The following KCNK1 variants were observed in gnomAD, a reference collection of about 807,000 sequenced individuals.
KCNK1 encodes the protein potassium channel subfamily K member 1.
In KCNK1, 10 loss-of-function variants were observed where a neutral mutation model predicts 22.2. That is an observed-to-expected ratio of 0.45 (90% CI 0.28 to 0.76). KCNK1 has a LOEUF of 0.76. Ranked by LOEUF, KCNK1 falls within the 30% of genes least tolerant of loss-of-function variation. The pLI is 0.14. For missense variants in KCNK1, 378 were observed against 421.0 expected (o/e 0.90, Z 0.89); for synonymous variants, 200 against 186.4 (o/e 1.07, Z -0.60).
intron 1 of KCNK1, among the ~76,000 whole-genome samples, chr1:233,629,286 G>GA (rs1657747968): frequency 6.6e-6 from 1 of 152,180 alleles, no homozygotes; most frequent in South Asian, 2.1e-4. Flanking sequence ...CTTTGATAGG[G>GA]AGATGGCTGA....
rs369808986 is a variant in KCNK1 at position 233,617,931 on chromosome 1, G to C, written c.355+3405G>C. Among the ~76,000 whole-genome samples the C allele has an allele frequency of 3.3e-5, 5 of 152,094 alleles. No homozygotes were observed. In the East Asian group the frequency reaches 7.7e-4, roughly 23 times the overall value. On this transcript the variant is annotated intron_variant, in intron 1 of 2. Coordinates refer to ENST00000366621, the MANE Select transcript of KCNK1 (RefSeq NM_002245.4). ...GACAACAGAGCAAGACTCTGTCTTGGAGGGGGAAAAAAAAAGAACAAAGAG... is the reference window on the plus strand; with the variant it reads ...GACAACAGAGCAAGACTCTGTCTTGCAGGGGGAAAAAAAAAGAACAAAGAG...
At chr1:233,666,445 T>C (rs1371281790) in intron 1 of KCNK1, 150 bp from the exon 2 acceptor site, 3 of 646,588 alleles carry the variant, frequency 4.6e-6, no homozygotes, top group Non-Finnish European at 5.1e-6. Flanking sequence ...ATGACAATTA[T>C]ACTAGAGCCC....
intron 1 of KCNK1, among the ~76,000 whole-genome samples, chr1:233,625,270 C>G (rs1657668658): frequency 2.0e-5 from 3 of 152,320 alleles, no homozygotes; most frequent in Admixed American, 2.0e-4. Flanking sequence ...AGCATGTATT[C>G]CTTCCTTCTG....
intron 2 of KCNK1, among the ~76,000 whole-genome samples, chr1:233,667,747 A>T (rs1352224026): frequency 1.3e-5 from 2 of 151,712 alleles, no homozygotes; most frequent in East Asian, 3.9e-4. Flanking sequence ...AAAAAAAAAA[A>T]AAAAATACAT....
At chr1:233,662,602 T>C (rs1461149156) in intron 1 of KCNK1, among the ~76,000 whole-genome samples, 1 of 152,196 alleles carries the variant, frequency 6.6e-6, no homozygotes, top group Non-Finnish European at 1.5e-5. Flanking sequence ...CAGCATAGTG[T>C]CAGGGCTGTT....
chr1:233,657,132 G>A (rs1344219627), intron 1 of KCNK1, among the ~76,000 whole-genome samples: 2 of 152,202 alleles, frequency 1.3e-5, no homozygotes, highest in East Asian at 3.9e-4. Flanking sequence ...GTGTCTGGGA[G>A]GATGGGCAGT....
At chr1:233,617,078 C>T (rs1456932188) in intron 1 of KCNK1, among the ~76,000 whole-genome samples, 1 of 151,218 alleles carries the variant, frequency 6.6e-6, no homozygotes. Context: ...CACTTCTAGT[C>T]CTTTTGAAGG....
chr1:233,666,185 G>T (rs745616340), intron 1 of KCNK1, among the ~76,000 whole-genome samples: 2 of 152,122 alleles, frequency 1.3e-5, no homozygotes, highest in Non-Finnish European at 2.9e-5. Flanking sequence ...TAATGAGGAT[G>T]CTTGGGGAAA....
At chr1:233,627,954 C>A (rs1287009159) in intron 1 of KCNK1, among the ~76,000 whole-genome samples, 11 of 152,210 alleles carry the variant, frequency 7.2e-5, no homozygotes, top group African/African-American at 2.7e-4. Context: ...GGCACCTGAA[C>A]TTGCCTGTCT....
intron 1 of KCNK1, among the ~76,000 whole-genome samples, chr1:233,656,098 A>G (rs2102904551): frequency 6.6e-6 from 1 of 152,336 alleles, no homozygotes; most frequent in African/African-American, 2.4e-5. Context: ...ACACCTCTGC[A>G]TTCAAATGGG....
intron 1 of KCNK1, 64 bp downstream of exon 1, chr1:233,614,590 C>T: frequency 7.6e-7 from 1 of 1,310,572 alleles, no homozygotes; most frequent in Admixed American, 2.4e-5. Context: ...CACACCCCGG[C>T]CCCGGCGCCC....
intron 1 of KCNK1, among the ~76,000 whole-genome samples, chr1:233,639,285 T>A (rs1220102069): frequency 6.6e-6 from 1 of 152,244 alleles, no homozygotes; most frequent in African/African-American, 2.4e-5. Context: ...GCTTTTTGAC[T>A]CTACAAGTAT....
At chr1:233,625,718 T>C (rs577778343) in intron 1 of KCNK1, among the ~76,000 whole-genome samples, 1 of 152,154 alleles carries the variant, frequency 6.6e-6, no homozygotes, top group Non-Finnish European at 1.5e-5. Context: ...TCCAGGATCG[T>C]AGTCTTCCAT....
In KCNK1 at chr1:233,650,396, C is replaced by T. The variant is rs187543006; in HGVS notation, c.356-16199C>T. Among the ~76,000 whole-genome samples the T allele has an allele frequency of 1.7e-3, 263 of 152,230 alleles. 1 individual carries two copies. The highest frequency in any genetic ancestry group is 2.9e-3 in the Non-Finnish European group (200 of 68,022). ...AACATCTGTTAGTGTGGGAGAAGGTCTCTTAAAGGACTTGGGGAATATTAA... is the reference window on the plus strand; with the variant it reads ...AACATCTGTTAGTGTGGGAGAAGGTTTCTTAAAGGACTTGGGGAATATTAA... On this transcript the variant is annotated intron_variant, in intron 1 of 2. Coordinates refer to ENST00000366621, the MANE Select transcript of KCNK1 (RefSeq NM_002245.4).
chr1:233,645,213 T>A (rs1327835014), intron 1 of KCNK1, among the ~76,000 whole-genome samples: 1 of 151,040 alleles, frequency 6.6e-6, no homozygotes, highest in African/African-American at 2.4e-5. Context: ...AAAAAAGAGA[T>A]ATGACATCAT....
At chr1:233,620,097 A>G (rs1657556526) in intron 1 of KCNK1, among the ~76,000 whole-genome samples, 1 of 152,226 alleles carries the variant, frequency 6.6e-6, no homozygotes, top group South Asian at 2.1e-4. Context: ...TTTCTGACAC[A>G]GTCAAGTTTT....
chr1:233,623,948 A>T (rs1657637812), intron 1 of KCNK1, among the ~76,000 whole-genome samples: 1 of 152,236 alleles, frequency 6.6e-6, no homozygotes, highest in African/African-American at 2.4e-5. Context: ...GTCAAAAAAC[A>T]AAACAAAAGC....
chr1:233,643,091 A>G (rs569497337), intron 1 of KCNK1, among the ~76,000 whole-genome samples: 1 of 152,040 alleles, frequency 6.6e-6, no homozygotes, highest in East Asian at 1.9e-4. Context: ...TCTTGGTGCC[A>G]TTTTAATGTC....
chr1:233,621,565 A>G (rs1326405409), intron 1 of KCNK1, among the ~76,000 whole-genome samples: 1 of 152,208 alleles, frequency 6.6e-6, no homozygotes, highest in Non-Finnish European at 1.5e-5. Context: ...CATCAAGAAA[A>G]ATATCTCAAC....
Sources: allele counts gnomAD v4.1 joint callset (sites outside exome capture counted in the v4.1 genomes callset), GRCh38; gene constraint gnomAD v4.1.1; transcripts MANE v1.5; gene names NCBI Gene and HGNC (gene_info 2026-07-23, HGNC 2026-07-21).